The following EYA2 variants were observed in gnomAD, a reference collection of about 807,000 sequenced individuals.
The protein encoded by EYA2 is EYA transcriptional coactivator and phosphatase 2, also known as protein phosphatase EYA2.
Under a neutral mutation model 69.2 loss-of-function variants are expected in EYA2, and 31 were observed. The observed-to-expected ratio is 0.45, with a 90% CI of 0.34 to 0.60. EYA2 has a LOEUF of 0.60. Among genes scored for constraint, EYA2 ranks in the 20% least tolerant of loss-of-function variants. EYA2 has a pLI of 0.02. For missense variants in EYA2, 622 were observed against 701.2 expected (o/e 0.89, Z 1.28); for synonymous variants, 257 against 279.4 (o/e 0.92, Z 0.80).
chr20:47,107,384 G>A (rs2032612422), intron 9 of EYA2, among the ~76,000 whole-genome samples: 1 of 151,276 alleles, frequency 6.6e-6, no homozygotes, highest in African/African-American at 2.4e-5. Context: ...AATTAGCCAG[G>A]CGTGGTGGTG....
intron 1 of EYA2, among the ~76,000 whole-genome samples, chr20:46,977,726 A>G (rs1980547578): frequency 6.6e-6 from 1 of 152,218 alleles, no homozygotes; most frequent in Non-Finnish European, 1.5e-5. Flanking sequence ...TGCAAAGGAA[A>G]CTGAATTTGC....
At chr20:47,103,941 TC>T (rs1406885640) in intron 9 of EYA2, among the ~76,000 whole-genome samples, 1 of 152,256 alleles carries the variant, frequency 6.6e-6, no homozygotes, top group African/African-American at 2.4e-5. Flanking sequence ...TTTTTAATTC[TC>T]TTAGGTATAT....
chr20:47,092,604 G>A (rs2032118402), intron 8 of EYA2, among the ~76,000 whole-genome samples: 1 of 152,142 alleles, frequency 6.6e-6, no homozygotes, highest in African/African-American at 2.4e-5. Context: ...CTCTCTGTAG[G>A]GGAACGGCGG....
At chr20:47,156,123 CACACATATATATATATATATATATAT>C (rs2033934651) in intron 10 of EYA2, among the ~76,000 whole-genome samples, 12 of 23,952 alleles carry the variant, frequency 5.0e-4, no homozygotes, top group African/African-American at 2.8e-3. Flanking sequence ...CACACACACA[CACACATATATATATATATATATATAT>C]ATATATATAT....
intron 10 of EYA2, among the ~76,000 whole-genome samples, chr20:47,146,632 G>A (rs1008315656): frequency 6.6e-6 from 1 of 152,230 alleles, no homozygotes; most frequent in Non-Finnish European, 1.5e-5. Flanking sequence ...GTTTGTTGGT[G>A]CAAGGCAGTC....
rs371085845 is a variant in EYA2, at chr20:47,078,911, G to T, written c.661+4576G>T. Among the ~76,000 whole-genome samples the T allele has an allele frequency of 1.2e-4, 19 of 152,138 alleles. No individual in the cohort carries two copies. The East Asian group carries it at 1.5e-3, about 12-fold the overall frequency. ...CATAGACCTTTTAACTCAACTATTC[G>T]ACATCTAAGAATTTATCCGAAAGAT... On this transcript the variant is annotated intron_variant, in intron 7 of 15. Transcript: ENST00000327619.
At chr20:46,977,441 T>A (rs116984499) in intron 1 of EYA2, among the ~76,000 whole-genome samples, 1 of 152,310 alleles carries the variant, frequency 6.6e-6, no homozygotes, top group Non-Finnish European at 1.5e-5. Flanking sequence ...CACTCTGAAA[T>A]GCCAACTTCA....
intron 5 of EYA2, among the ~76,000 whole-genome samples, chr20:47,034,238 C>T (rs1984570611): frequency 6.6e-6 from 1 of 152,114 alleles, no homozygotes; most frequent in Non-Finnish European, 1.5e-5. Flanking sequence ...TATTGATTTT[C>T]TATTTACAGT....
intron 1 of EYA2, among the ~76,000 whole-genome samples, chr20:46,989,334 C>T (rs188767944): frequency 1.3e-5 from 2 of 152,224 alleles, no homozygotes; most frequent in South Asian, 2.1e-4. Flanking sequence ...GGCGCAGTCT[C>T]GACTCACTGC....
intron 1 of EYA2, among the ~76,000 whole-genome samples, chr20:46,919,291 C>T (rs1985072259): frequency 6.6e-6 from 1 of 152,250 alleles, no homozygotes; most frequent in Non-Finnish European, 1.5e-5. Context: ...CTTCTCCTCT[C>T]TAGCTATGAA....
intron 8 of EYA2, among the ~76,000 whole-genome samples, chr20:47,091,504 C>T (rs912671179): frequency 1.3e-5 from 2 of 150,308 alleles, no homozygotes; most frequent in African/African-American, 2.5e-5. Flanking sequence ...TTTCAGAGGC[C>T]GAGGTGGGCA....
intron 1 of EYA2, among the ~76,000 whole-genome samples, chr20:46,946,470 G>T (rs1435511526): frequency 6.6e-6 from 1 of 152,042 alleles, no homozygotes; most frequent in Admixed American, 6.6e-5. Flanking sequence ...ATTGTGCGAG[G>T]GGCTCCCTTT....
intron 1 of EYA2, among the ~76,000 whole-genome samples, chr20:46,902,705 G>A (rs1426570953): frequency 1.3e-5 from 2 of 152,236 alleles, no homozygotes. Flanking sequence ...GACGCCAGCA[G>A]ATTCTCACAA....
intron 10 of EYA2, among the ~76,000 whole-genome samples, chr20:47,162,432 T>A (rs2034087424): frequency 6.6e-6 from 1 of 152,152 alleles, no homozygotes; most frequent in Admixed American, 6.5e-5. Context: ...TACTAGTTTC[T>A]GTCCAGTGAT....
At chr20:47,133,467 C>T (rs1398988024) in intron 9 of EYA2, among the ~76,000 whole-genome samples, 1 of 152,144 alleles carries the variant, frequency 6.6e-6, no homozygotes, top group African/African-American at 2.4e-5. Context: ...GATTGGGTAT[C>T]TCCACAATAG....
intron 5 of EYA2, among the ~76,000 whole-genome samples, chr20:47,033,681 C>T (rs770613863): frequency 6.6e-6 from 1 of 152,198 alleles, no homozygotes; most frequent in Non-Finnish European, 1.5e-5. Flanking sequence ...TGGAAATGAT[C>T]ATGTCATGCC....
chr20:46,899,755 G>A (rs1003787953), intron 1 of EYA2, among the ~76,000 whole-genome samples: 1 of 152,242 alleles, frequency 6.6e-6, no homozygotes, highest in African/African-American at 2.4e-5. Flanking sequence ...GGAACCAGCA[G>A]GCTGCGGGTC....
chr20:47,076,515 T>C (rs2031524122), intron 7 of EYA2, among the ~76,000 whole-genome samples: 1 of 152,234 alleles, frequency 6.6e-6, no homozygotes, highest in Admixed American at 6.5e-5. Flanking sequence ...TTGAGAAGTG[T>C]CTGTTCATGT....
chr20:47,107,040 A>G (rs2032602942), intron 9 of EYA2, among the ~76,000 whole-genome samples: 1 of 152,198 alleles, frequency 6.6e-6, no homozygotes, highest in South Asian at 2.1e-4. Context: ...CCAAGATACC[A>G]TTAGTGGTCT....
Sources: gnomAD v4.1 joint callset for allele counts (sites outside exome capture counted in the v4.1 genomes callset) on GRCh38, gnomAD v4.1.1 for gene constraint, MANE v1.5 for transcripts, NCBI Gene and HGNC (gene_info 2026-07-23, HGNC 2026-07-21) for gene names.